CCSER1: variants seen among roughly 807,000 people sequenced by gnomAD.
CCSER1 encodes serine-rich coiled-coil domain-containing protein 1.
A neutral mutation model predicts 82.0 loss-of-function variants in CCSER1; 41 were observed. That is an observed-to-expected ratio of 0.50 (90% CI 0.39 to 0.65). The LOEUF (loss-of-function observed/expected upper bound fraction) is 0.65. CCSER1 is among the 30% of genes least tolerant of loss of function. The pLI is 0.00. For missense variants in CCSER1, 1,119 were observed against 1,064.2 expected, an observed-to-expected ratio of 1.05 and a Z score of -0.72; for synonymous variants, 414 against 383.9, an observed-to-expected ratio of 1.08 and a Z score of -0.92.
At chr4:90,377,780 T>G (rs1748593234) in intron 3 of CCSER1, among the ~76,000 whole-genome samples, 1 of 152,084 alleles carries the variant, frequency 6.6e-6, no homozygotes, top group Non-Finnish European at 1.5e-5. Flanking sequence ...GAGATGAGCA[T>G]TTTTACAGGG....
chr4:90,836,827 G>C (rs957688297), intron 8 of CCSER1, among the ~76,000 whole-genome samples: 1 of 152,244 alleles, frequency 6.6e-6, no homozygotes, highest in Admixed American at 6.5e-5. Flanking sequence ...TAAATCAGAT[G>C]TTGCTCTGTT....
At chr4:91,408,952 G>T (rs111990562) in intron 10 of CCSER1, among the ~76,000 whole-genome samples, 1 of 152,148 alleles carries the variant, frequency 6.6e-6, no homozygotes, top group Admixed American at 6.5e-5. Flanking sequence ...TCAGACCTGG[G>T]TGTTCATGAT....
chr4:90,479,657 G>A (rs1001521412), intron 5 of CCSER1, among the ~76,000 whole-genome samples: 13 of 152,036 alleles, frequency 8.6e-5, no homozygotes, highest in African/African-American at 2.9e-4. Flanking sequence ...ATAGTTTGCT[G>A]AGAATGATGG....
intron 1 of CCSER1, among the ~76,000 whole-genome samples, chr4:90,131,931 C>T (rs546464474): frequency 6.6e-6 from 1 of 152,236 alleles, no homozygotes; most frequent in East Asian, 1.9e-4. Flanking sequence ...AGGGAAACAT[C>T]TGAGTTGACT....
At chr4:91,177,881 C>T (rs1159859238) in intron 10 of CCSER1, among the ~76,000 whole-genome samples, 1 of 152,138 alleles carries the variant, frequency 6.6e-6, no homozygotes, top group Non-Finnish European at 1.5e-5. Context: ...TCTTGCTTCT[C>T]TAGTTCTTTA....
intron 9 of CCSER1, among the ~76,000 whole-genome samples, chr4:90,965,764 G>T (rs1365832030): frequency 1.3e-5 from 2 of 151,976 alleles, no homozygotes; most frequent in Non-Finnish European, 2.9e-5. Context: ...TGTAAAAGAC[G>T]TGAGAAGACA....
intron 1 of CCSER1, among the ~76,000 whole-genome samples, chr4:90,239,718 A>T (rs564329043): frequency 1.3e-5 from 2 of 151,130 alleles, no homozygotes; most frequent in South Asian, 2.1e-4. Flanking sequence ...GTCTCAAGTG[A>T]CTCCTGCTTC....
intron 3 of CCSER1, among the ~76,000 whole-genome samples, chr4:90,354,542 A>G (rs1744080370): frequency 6.6e-6 from 1 of 152,262 alleles, no homozygotes; most frequent in East Asian, 1.9e-4. Flanking sequence ...CAACTTGATT[A>G]TGGTACTCAT....
At chr4:90,337,967 A>G (rs1579262049) in intron 3 of CCSER1, among the ~76,000 whole-genome samples, 1 of 152,312 alleles carries the variant, frequency 6.6e-6, no homozygotes, top group East Asian at 1.9e-4. Context: ...ACACATAGAT[A>G]TGTTGTTCGA....
At chr4:90,160,036 T>C (rs1560716574) in intron 1 of CCSER1, among the ~76,000 whole-genome samples, 1 of 152,342 alleles carries the variant, frequency 6.6e-6, no homozygotes, top group East Asian at 1.9e-4. Flanking sequence ...GTTATTCTCA[T>C]TTTACAGATT....
At chr4:91,258,656 T>C (rs1385305206) in intron 10 of CCSER1, among the ~76,000 whole-genome samples, 2 of 152,152 alleles carry the variant, frequency 1.3e-5, no homozygotes, top group Non-Finnish European at 2.9e-5. Flanking sequence ...AAATAATTAG[T>C]TGTGAATATA....
At chr4:90,485,079 C>T (rs531094372) in intron 5 of CCSER1, among the ~76,000 whole-genome samples, 42 of 152,336 alleles carry the variant, frequency 2.8e-4, no homozygotes, top group East Asian at 1.5e-3. Flanking sequence ...CAATGGCGGG[C>T]GCCCCTCCCC....
intron 6 of CCSER1, among the ~76,000 whole-genome samples, chr4:90,703,444 A>T (rs902418568): frequency 6.6e-6 from 1 of 152,162 alleles, no homozygotes; most frequent in Admixed American, 6.5e-5. Flanking sequence ...AATAATGTAT[A>T]TTCTGTTGAT....
intron 7 of CCSER1, among the ~76,000 whole-genome samples, chr4:90,752,418 G>T (rs1748813280): frequency 6.6e-6 from 1 of 152,060 alleles, no homozygotes; most frequent in South Asian, 2.1e-4. Context: ...CACAGGAGGG[G>T]AGTCTTTCTA....
intron 8 of CCSER1, among the ~76,000 whole-genome samples, chr4:90,830,744 C>A (rs17017717): frequency 0.06 from 9,074 of 152,202 alleles, 531 homozygotes; most frequent in African/African-American, 0.16. Context: ...GGCAGCCAAA[C>A]ACACCCTTCC....
In CCSER1 at chr4:91,251,182, C is replaced by T. The variant is rs137901328; in HGVS notation, c.2217+165188C>T. ...TTAAAACCCAGAAATTTATTTTGTA[C>T]AGTTTTGGAGGCTAGAAGTCCAAGA... is the stretch of plus-strand genomic sequence containing the variant. On this transcript the variant is annotated intron_variant, in intron 10 of 10. Transcript: ENST00000509176. Among the ~76,000 whole-genome samples, 72 of 152,180 alleles carry T rather than the reference C, an allele frequency of 4.7e-4. No homozygotes were observed. In the East Asian group the frequency reaches 0.011, roughly 22 times the overall value.
intron 10 of CCSER1, among the ~76,000 whole-genome samples, chr4:91,218,320 C>A (rs1345070836): frequency 6.6e-6 from 1 of 152,224 alleles, no homozygotes; most frequent in African/African-American, 2.4e-5. Flanking sequence ...GCAAGGGCCG[C>A]ACGCAGCCCC....
At chr4:91,517,231 A>G (rs1760176530) in intron 10 of CCSER1, among the ~76,000 whole-genome samples, 1 of 152,034 alleles carries the variant, frequency 6.6e-6, no homozygotes, top group Admixed American at 6.6e-5. Flanking sequence ...ATTCCATACC[A>G]TGTTTATAGG....
chr4:90,633,764 G>A (rs1483387416), intron 6 of CCSER1, among the ~76,000 whole-genome samples: 1 of 151,854 alleles, frequency 6.6e-6, no homozygotes, highest in Non-Finnish European at 1.5e-5. Flanking sequence ...GTGATGGTCT[G>A]TCGACCTCCT....
Sources: allele counts gnomAD v4.1 joint callset (sites outside exome capture counted in the v4.1 genomes callset), GRCh38; gene constraint gnomAD v4.1.1; transcripts MANE v1.5; gene names NCBI Gene and HGNC (gene_info 2026-07-23, HGNC 2026-07-21).